Variants in HEATR4 observed in about 807,000 individuals in gnomAD.
The protein encoded by HEATR4 is HEAT repeat-containing protein 4.
Under a neutral mutation model 108.8 loss-of-function variants are expected in HEATR4, and 95 were observed. The ratio of observed to expected loss-of-function variants is 0.87; its 90% CI spans 0.74 to 1.04. The LOEUF is 1.04. Ranked by LOEUF, HEATR4 falls within the 50% of genes least tolerant of loss-of-function variation. The pLI is 0.00. For synonymous variants in HEATR4, 443 were observed against 459.4 expected (o/e 0.96, Z 0.46); for missense variants, 1,152 against 1,253.8 (o/e 0.92, Z 1.23).
chr14:73,520,903 C>T lies in HEATR4; in HGVS notation c.1018G>A (p.Gly340Arg). 6.2e-7 allele frequency: 1 copy of T among 1,614,042 alleles called. No individual in the cohort carries two copies. The highest frequency in any genetic ancestry group is 8.5e-7 in the Non-Finnish European group (1 of 1,180,022). Reference protein sequence around the residue: ...SYFRQVTPRAGKFAYSTDNTF... With the variant: ...SYFRQVTPRARKFAYSTDNTF... ...TTGTCTGTGGAGTAGGCAAACTTTC[C>T]AGCTCGGGGAGTCACCTGGCGAAAG... The change falls in exon 4 of 18, where the codon GGA becomes AGA. Residue 340 changes from glycine to arginine, a missense_variant. By Grantham distance (125) the Gly-to-Arg change is moderately radical. Transcript: ENST00000553558.
chr14:73,495,490 G>C, intron 15 of HEATR4, 103 bp from the exon 16 acceptor site: 5 of 956,790 alleles, frequency 5.2e-6, no homozygotes, highest in Non-Finnish European at 7.7e-6. Flanking sequence ...GGCTGAGGAG[G>C]GAGGATCACT....
At chr14:73,629,688 A>G in the HEATR4 span, among the ~76,000 whole-genome samples, 1 of 150,936 alleles carries the variant, frequency 6.6e-6, no homozygotes, top group South Asian at 2.1e-4. Context: ...TCTGTTGCCC[A>G]GGCTGGAGTG....
chr14:73,565,852 C>T, the HEATR4 span, among the ~76,000 whole-genome samples: 1 of 151,988 alleles, frequency 6.6e-6, no homozygotes. Flanking sequence ...ACAAAGTTTC[C>T]ACAGTGTGGA....
upstream of HEATR4, among the ~76,000 whole-genome samples, chr14:73,561,606 A>G (rs1889532436): frequency 6.6e-6 from 1 of 151,184 alleles, no homozygotes; most frequent in African/African-American, 2.4e-5. Flanking sequence ...AAATCACTTG[A>G]ACCCAGGAGG....
intron 2 of HEATR4, among the ~76,000 whole-genome samples, chr14:73,528,009 A>G (rs1170112677): frequency 2.6e-5 from 4 of 151,530 alleles, no homozygotes; most frequent in African/African-American, 9.7e-5. Context: ...ATGTCCCCAG[A>G]TAAATGCCCT....
intron 17 of HEATR4, among the ~76,000 whole-genome samples, chr14:73,481,342 G>A (rs1885248288): frequency 6.6e-6 from 1 of 152,078 alleles, no homozygotes. Context: ...GGGAGGCTGA[G>A]GCACGAGAAT....
chr14:73,479,405 C>A (rs1409100051), intron 17 of HEATR4, among the ~76,000 whole-genome samples: 6 of 43,802 alleles, frequency 1.4e-4, no homozygotes, highest in Non-Finnish European at 2.5e-4. Context: ...TCAGCCACTG[C>A]GCCCGGCGTT....
At chr14:73,576,461 T>G in the HEATR4 span, among the ~76,000 whole-genome samples, 957 of 152,028 alleles carry the variant, frequency 6.3e-3, 14 homozygotes, top group Non-Finnish European at 0.011. Flanking sequence ...AAAACATTAT[T>G]GAGATGAATT....
the HEATR4 span, chr14:73,595,374 G>A: frequency 1.9e-6 from 3 of 1,614,230 alleles, no homozygotes; most frequent in Non-Finnish European, 2.5e-6. Context: ...GACCATAACT[G>A]GAGAAGTGAG....
At chr14:73,509,952 C>A (rs1887137561) in intron 7 of HEATR4, among the ~76,000 whole-genome samples, 1 of 148,348 alleles carries the variant, frequency 6.7e-6, no homozygotes, top group Admixed American at 6.9e-5. Context: ...CAGCTCACTG[C>A]AAGCTCCGCC....
the HEATR4 span, among the ~76,000 whole-genome samples, chr14:73,574,036 AT>A: frequency 0.81 from 120,274 of 148,050 alleles, 49,435 homozygotes; most frequent in African/African-American, 0.95. Flanking sequence ...TAATATTTGT[AT>A]TTTTTTTTTT....
At chr14:73,622,535 T>G in the HEATR4 span, among the ~76,000 whole-genome samples, 1 of 151,724 alleles carries the variant, frequency 6.6e-6, no homozygotes, top group Non-Finnish European at 1.5e-5. Flanking sequence ...CCCTAGTAGC[T>G]GAGATTATAG....
At chr14:73,493,614 G>T (rs1885932389) in intron 16 of HEATR4, among the ~76,000 whole-genome samples, 1 of 152,142 alleles carries the variant, frequency 6.6e-6, no homozygotes, top group Non-Finnish European at 1.5e-5. Flanking sequence ...GAGGCGGGTG[G>T]ATCACCTGAG....
At chr14:73,591,062 G>A in the HEATR4 span, among the ~76,000 whole-genome samples, 2 of 151,664 alleles carry the variant, frequency 1.3e-5, no homozygotes, top group East Asian at 2.0e-4. Flanking sequence ...GGGAAACAGG[G>A]TGACACCTCC....
At chr14:73,624,941 T>C in the HEATR4 span, among the ~76,000 whole-genome samples, 1 of 152,256 alleles carries the variant, frequency 6.6e-6, no homozygotes, top group Non-Finnish European at 1.5e-5. Flanking sequence ...TAAAGGTCTG[T>C]GACAACCCTG....
At chr14:73,507,839 C>A (rs1292662352) in intron 9 of HEATR4, among the ~76,000 whole-genome samples, 1 of 152,264 alleles carries the variant, frequency 6.6e-6, no homozygotes, top group South Asian at 2.1e-4. Context: ...ACCTCCCAGG[C>A]TGAAGTGATT....
chr14:73,569,600 C>A, the HEATR4 span: 20 of 1,601,228 alleles, frequency 1.2e-5, no homozygotes, highest in South Asian at 1.8e-4. Flanking sequence ...ACACTCTTGG[C>A]GAGCTGGACC....
chr14:73,491,831 C>T, intron 17 of HEATR4: 1 of 1,607,522 alleles, frequency 6.2e-7, no homozygotes, highest in Non-Finnish European at 8.5e-7. Context: ...CAACGGACGA[C>T]GCGAGACCCT....
At chr14:73,500,428 T>G in intron 12 of HEATR4, 122 bp downstream of exon 12, 2 of 1,090,434 alleles carry the variant, frequency 1.8e-6, no homozygotes, top group Non-Finnish European at 2.6e-6. Context: ...TACACCCCCT[T>G]CCCAGTTCCA....
Sources: gnomAD v4.1 joint callset for allele counts (sites outside exome capture counted in the v4.1 genomes callset) on GRCh38, gnomAD v4.1.1 for gene constraint, MANE v1.5 for transcripts, NCBI Gene and HGNC (gene_info 2026-07-23, HGNC 2026-07-21) for gene names.